CACNA2D1: variants seen among roughly 807,000 people sequenced by gnomAD.
CACNA2D1 encodes the protein voltage-dependent calcium channel subunit alpha-2/delta-1.
Under a neutral mutation model 171.5 loss-of-function variants are expected in CACNA2D1, and 53 were observed. The observed-to-expected ratio is 0.31, with a 90% CI of 0.25 to 0.39. The LOEUF (loss-of-function observed/expected upper bound fraction) is 0.39. Ranked by LOEUF, CACNA2D1 falls within the 10% of genes least tolerant of loss-of-function variation. The pLI is 1.00. For missense variants in CACNA2D1, 903 were observed against 1,299.8 expected (o/e 0.69, Z 4.69); for synonymous variants, 442 against 443.1 (o/e 1.00, Z 0.03).
intron 3 of CACNA2D1, among the ~76,000 whole-genome samples, chr7:82,244,154 C>G (rs80352741): frequency 0.031 from 4,770 of 152,156 alleles, 239 homozygotes; most frequent in African/African-American, 0.11. Flanking sequence ...CAAGGGAAAA[C>G]ATTTCATGGA....
intron 1 of CACNA2D1, among the ~76,000 whole-genome samples, chr7:82,388,363 T>A (rs982882227): frequency 6.6e-6 from 1 of 152,226 alleles, no homozygotes; most frequent in Non-Finnish European, 1.5e-5. Context: ...GATAAGAAGA[T>A]AAAATCCAGA....
At chr7:82,134,375 T>A (rs1791359734) in intron 5 of CACNA2D1, among the ~76,000 whole-genome samples, 1 of 152,202 alleles carries the variant, frequency 6.6e-6, no homozygotes, top group Non-Finnish European at 1.5e-5. Context: ...CAAATTTTAA[T>A]AGGTGTTAAA....
chr7:81,992,212 C>A (rs1366303961), intron 20 of CACNA2D1, among the ~76,000 whole-genome samples: 2 of 151,996 alleles, frequency 1.3e-5, no homozygotes, highest in East Asian at 3.9e-4. Flanking sequence ...AAAACAGTAA[C>A]ATGTATTGAA....
chr7:82,235,894 A>C (rs899078624), intron 3 of CACNA2D1, among the ~76,000 whole-genome samples: 3 of 152,128 alleles, frequency 2.0e-5, no homozygotes, highest in Non-Finnish European at 4.4e-5. Context: ...CTCTGTACTA[A>C]GGAAATGGAT....
chr7:82,378,093 T>C (rs1823226286), intron 1 of CACNA2D1, among the ~76,000 whole-genome samples: 1 of 152,144 alleles, frequency 6.6e-6, no homozygotes, highest in Non-Finnish European at 1.5e-5. Context: ...AAATAATGGA[T>C]TAAATGGGTT....
At chr7:82,270,425 T>C (rs560240901) in intron 3 of CACNA2D1, among the ~76,000 whole-genome samples, 1 of 152,284 alleles carries the variant, frequency 6.6e-6, no homozygotes, top group East Asian at 1.9e-4. Context: ...ACAGAAATAT[T>C]TTGTTCTTTT....
chr7:82,370,661 T>C (rs969668798), intron 1 of CACNA2D1, among the ~76,000 whole-genome samples: 3 of 152,010 alleles, frequency 2.0e-5, no homozygotes, highest in African/African-American at 7.2e-5. Flanking sequence ...TCAGGAAATA[T>C]TGTTCAAATA....
chr7:82,409,024 CTT>C (rs575034438), intron 1 of CACNA2D1, among the ~76,000 whole-genome samples: 1 of 146,072 alleles, frequency 6.8e-6, no homozygotes. Context: ...AGTTGTCACT[CTT>C]TTTTTTTTTG....
intron 3 of CACNA2D1, among the ~76,000 whole-genome samples, chr7:82,293,701 G>A (rs2129418373): frequency 6.6e-6 from 1 of 152,308 alleles, no homozygotes; most frequent in South Asian, 2.1e-4. Context: ...TGAGTCCAGA[G>A]CTTCTTGGGT....
At chr7:81,970,101 G>A in intron 27 of CACNA2D1, 117 bp from the exon 28 acceptor site, 1 of 714,672 alleles carries the variant, frequency 1.4e-6, no homozygotes, top group South Asian at 1.5e-5. Context: ...GTCTAAAGAA[G>A]TTAGTGGTAA....
chr7:82,065,161 A>G (rs1432215483), intron 8 of CACNA2D1, among the ~76,000 whole-genome samples: 1 of 152,150 alleles, frequency 6.6e-6, no homozygotes, highest in Non-Finnish European at 1.5e-5. Context: ...GTAACTTCTC[A>G]GGAGGCTGCC....
At chr7:82,381,111 G>C (rs1823656735) in intron 1 of CACNA2D1, among the ~76,000 whole-genome samples, 1 of 151,942 alleles carries the variant, frequency 6.6e-6, no homozygotes, top group African/African-American at 2.4e-5. Flanking sequence ...AGGAGATCGA[G>C]ACCATCCTGC....
Position 82,046,708 on chromosome 7 carries a change from A to C in CACNA2D1, c.880-8473T>G, listed in dbSNP as rs190471149. 7.5e-3 allele frequency among the ~76,000 whole-genome samples: 1,150 copies of C among 152,332 alleles called. 9 individuals are homozygous for C. Among genetic ancestry groups the C allele is most frequent in the Non-Finnish European group, 0.013 (877 of 68,024 alleles). On this transcript the variant is annotated intron_variant, in intron 10 of 38. Coordinates refer to ENST00000356860, the MANE Select transcript of CACNA2D1 (RefSeq NM_000722.4). ...GGAATAAATTCTGTATATGTCTAAA[A>C]AATGGCACCAGTAGATAAAATGGAA... is the stretch of plus-strand genomic sequence containing the variant.
chr7:82,273,306 G>C (rs1284252839), intron 3 of CACNA2D1, among the ~76,000 whole-genome samples: 1 of 151,666 alleles, frequency 6.6e-6, no homozygotes, highest in East Asian at 1.9e-4. Context: ...TAAGAAATTT[G>C]TACATCTATT....
chr7:82,187,703 T>C (rs1797906082), intron 3 of CACNA2D1, among the ~76,000 whole-genome samples: 2 of 152,180 alleles, frequency 1.3e-5, no homozygotes, highest in Non-Finnish European at 1.5e-5. Context: ...CTACTTTCTA[T>C]ATGTAGAGTT....
At chr7:82,072,289 A>C (rs1808414338) in intron 7 of CACNA2D1, among the ~76,000 whole-genome samples, 1 of 152,088 alleles carries the variant, frequency 6.6e-6, no homozygotes, top group South Asian at 2.1e-4. Context: ...ACTCACCCTT[A>C]TGTGATTATT....
intron 3 of CACNA2D1, among the ~76,000 whole-genome samples, chr7:82,190,640 A>T (rs532435052): frequency 1.3e-5 from 2 of 151,626 alleles, no homozygotes; most frequent in African/African-American, 2.4e-5. Flanking sequence ...TTCATACCAA[A>T]TTTTTTTTGA....
intron 3 of CACNA2D1, among the ~76,000 whole-genome samples, chr7:82,230,545 T>A (rs1802820420): frequency 6.6e-6 from 1 of 152,250 alleles, no homozygotes; most frequent in African/African-American, 2.4e-5. Flanking sequence ...TTCTTTAATT[T>A]AAAAAAACGC....
rs115893419 is a variant in CACNA2D1 at position 82,081,994 on chromosome 7, G to A, written c.658+2775C>T. Among the ~76,000 whole-genome samples the A allele has an allele frequency of 1.3e-3, 191 of 152,316 alleles. 1 individual carries two copies. The highest frequency in any genetic ancestry group is 4.2e-3 in the African/African-American group (175 of 41,570). On this transcript the variant is annotated intron_variant, in intron 7 of 38. Coordinates refer to ENST00000356860, the MANE Select transcript of CACNA2D1 (RefSeq NM_000722.4). ...TGGTGGACTCTGGCACCTCAAATGC[G>A]GAAACGTGGTGGCACCCAGGCAGGG...
Sources: gnomAD v4.1 joint callset for allele counts (sites outside exome capture counted in the v4.1 genomes callset) on GRCh38, gnomAD v4.1.1 for gene constraint, MANE v1.5 for transcripts, NCBI Gene and HGNC (gene_info 2026-07-23, HGNC 2026-07-21) for gene names.